The following IL1RAPL2 variants were observed in gnomAD, a reference collection of about 807,000 sequenced individuals.
IL1RAPL2 encodes the protein interleukin 1 receptor accessory protein like 2, also known as X-linked interleukin-1 receptor accessory protein-like 2.
A neutral mutation model predicts 44.1 loss-of-function variants in IL1RAPL2; 3 were observed. That is an observed-to-expected ratio of 0.07 (90% CI 0.03 to 0.18). The LOEUF is 0.18. IL1RAPL2 is among the 10% of genes least tolerant of loss of function. IL1RAPL2 has a pLI of 1.00. For missense variants in IL1RAPL2, 391 were observed against 496.4 expected (o/e 0.79, Z 2.02); for synonymous variants, 181 against 178.8 (o/e 1.01, Z -0.10).
intron 2 of IL1RAPL2, among the ~76,000 whole-genome samples, chrX:104,836,169 AAC>A (rs1921736493): frequency 9.0e-6 from 1 of 111,543 alleles, no homozygotes; most frequent in African/African-American, 3.3e-5. Flanking sequence ...CAGAAAGACA[AAC>A]ACAGCATGTT....
intron 2 of IL1RAPL2, among the ~76,000 whole-genome samples, chrX:104,944,131 TAACA>T (rs1469734650): frequency 9.0e-6 from 1 of 111,453 alleles, no homozygotes; most frequent in African/African-American, 3.3e-5. Flanking sequence ...AGCTGTTCTT[TAACA>T]ATATGCCCGC....
At chrX:105,717,191 T>C (rs1277789004) in intron 6 of IL1RAPL2, among the ~76,000 whole-genome samples, 176 bp from the exon 7 acceptor site, 2 of 112,253 alleles carry the variant, frequency 1.8e-5, no homozygotes, top group African/African-American at 6.5e-5. Flanking sequence ...TTAAGTTTTT[T>C]TCTAGAAGCC....
rs533117277 is a variant in IL1RAPL2, at chrX:104,933,652, T to C, written c.83-261823T>C. Among the ~76,000 whole-genome samples the C allele has an allele frequency of 1.3e-4, 14 of 111,732 alleles. 1 individual carries two copies. The South Asian group carries it at 5.3e-3, about 42-fold the overall frequency. On this transcript the variant is annotated intron_variant, in intron 2 of 10. Coordinates refer to ENST00000372582, the MANE Select transcript of IL1RAPL2 (RefSeq NM_017416.2). Reference sequence around the variant, plus strand: ...GTATTCTAGTTTTTCATGTATTCCATCAGTTCTGATTATCAATAAATCAGT... The same window carrying C: ...GTATTCTAGTTTTTCATGTATTCCACCAGTTCTGATTATCAATAAATCAGT...
At chrX:104,795,089 T>C (rs1932842959) in intron 2 of IL1RAPL2, among the ~76,000 whole-genome samples, 1 of 111,293 alleles carries the variant, frequency 9.0e-6, no homozygotes, top group Non-Finnish European at 1.9e-5. Flanking sequence ...TATAAAGTGG[T>C]TTACAGAAGA....
intron 6 of IL1RAPL2, among the ~76,000 whole-genome samples, chrX:105,670,635 G>T (rs1343706199): frequency 1.8e-5 from 2 of 109,004 alleles, no homozygotes; most frequent in African/African-American, 3.3e-5. Context: ...AATCTAACTG[G>T]AATGTTGATA....
chrX:104,665,723 T>C (rs770817293), intron 2 of IL1RAPL2, among the ~76,000 whole-genome samples: 1 of 111,602 alleles, frequency 9.0e-6, no homozygotes, highest in South Asian at 3.7e-4. Flanking sequence ...ACTATATAAC[T>C]AAATCATATT....
chrX:105,472,792 A>G (rs1054351978), intron 5 of IL1RAPL2, among the ~76,000 whole-genome samples: 8 of 112,161 alleles, frequency 7.1e-5, no homozygotes, highest in African/African-American at 2.6e-4. Flanking sequence ...CAAGATTTCT[A>G]AGAGCCAGGT....
intron 10 of IL1RAPL2, among the ~76,000 whole-genome samples, chrX:105,762,818 C>T (rs1321733044): frequency 9.0e-6 from 1 of 110,819 alleles, no homozygotes; most frequent in East Asian, 2.8e-4. Flanking sequence ...CTAAATTTGC[C>T]GGAACAAGTC....
chrX:105,471,440 C>A (rs1299054492), intron 5 of IL1RAPL2, among the ~76,000 whole-genome samples: 1 of 111,819 alleles, frequency 8.9e-6, no homozygotes, highest in Non-Finnish European at 1.9e-5. Flanking sequence ...CAACCATTTG[C>A]TCTGAATTAG....
At chrX:105,185,535 G>A (rs2033576466) in intron 2 of IL1RAPL2, among the ~76,000 whole-genome samples, 1 of 111,546 alleles carries the variant, frequency 9.0e-6, no homozygotes, top group African/African-American at 3.3e-5. Context: ...GTCTGGTTTA[G>A]CACCTTCATT....
chrX:104,905,801 C>T (rs1923976574), intron 2 of IL1RAPL2, among the ~76,000 whole-genome samples: 1 of 110,927 alleles, frequency 9.0e-6, no homozygotes, highest in Non-Finnish European at 1.9e-5. Flanking sequence ...TTTTTTGGTT[C>T]CCTATGAACT....
chrX:105,120,864 G>T (rs970581405), intron 2 of IL1RAPL2, among the ~76,000 whole-genome samples: 8 of 111,693 alleles, frequency 7.2e-5, no homozygotes, highest in African/African-American at 2.6e-4. Context: ...ACTTGGAATG[G>T]GTTGTAAGGT....
intron 4 of IL1RAPL2, among the ~76,000 whole-genome samples, chrX:105,238,713 G>T (rs2034143070): frequency 9.0e-6 from 1 of 111,001 alleles, no homozygotes; most frequent in African/African-American, 3.3e-5. Flanking sequence ...CCAAAACAAT[G>T]GCCTCCCATA....
chrX:105,728,659 A>G (rs1417199445), intron 7 of IL1RAPL2, among the ~76,000 whole-genome samples: 1 of 111,204 alleles, frequency 9.0e-6, no homozygotes, highest in Non-Finnish European at 1.9e-5. Context: ...CCAGTTTCCC[A>G]TTTTGTTAAT....
At position 105,078,316 on chromosome X, in the gene IL1RAPL2, T is replaced by G. The variant is rs367836117; in HGVS notation, c.83-117159T>G. Among the ~76,000 whole-genome samples, 9 of 111,977 alleles carry G rather than the reference T, an allele frequency of 8.0e-5. No homozygotes were observed. In the East Asian group the frequency reaches 2.0e-3, roughly 25 times the overall value. ...AGGTCCACTCCAGACCCTGTTTGCC[T>G]GGGTATCAGCAGTGGTGGCTGCAGA... On this transcript the variant is annotated intron_variant, in intron 2 of 10. Transcript: ENST00000372582.
intron 1 of IL1RAPL2, among the ~76,000 whole-genome samples, chrX:104,650,285 A>G (rs1193941711): frequency 8.9e-6 from 1 of 112,125 alleles, no homozygotes; most frequent in Non-Finnish European, 1.9e-5. Context: ...GGTATTATAC[A>G]TGCTCCTGTA....
Position 105,230,636 on chromosome X carries a change from T to C in IL1RAPL2, c.357-3182T>C, listed in dbSNP as rs193224686. On this transcript the variant is annotated intron_variant, in intron 3 of 10. Coordinates refer to ENST00000372582, the MANE Select transcript of IL1RAPL2 (RefSeq NM_017416.2). ...CCTGTATTAGGTATTTTACATACAT[T>C]ATTTTATTTAATACTTACAGTGATC... Among the ~76,000 whole-genome samples, 55 of 110,539 alleles carry C rather than the reference T, an allele frequency of 5.0e-4. No homozygotes were observed. The Admixed American group carries it at 5.0e-3, about 10-fold the overall frequency.
At chrX:104,933,280 GA>G (rs1441301256) in intron 2 of IL1RAPL2, among the ~76,000 whole-genome samples, 2 of 110,617 alleles carry the variant, frequency 1.8e-5, no homozygotes, top group Non-Finnish European at 3.8e-5. Context: ...AGAAAAAGAA[GA>G]AAAAAAGGAA....
At chrX:104,977,408 C>T (rs936438797) in intron 2 of IL1RAPL2, among the ~76,000 whole-genome samples, 1 of 112,092 alleles carries the variant, frequency 8.9e-6, no homozygotes, top group African/African-American at 3.2e-5. Context: ...GTGTTAGCAG[C>T]TCTTTATTGT....
Sources: allele counts gnomAD v4.1 joint callset (sites outside exome capture counted in the v4.1 genomes callset), GRCh38; gene constraint gnomAD v4.1.1; transcripts MANE v1.5; gene names NCBI Gene and HGNC (gene_info 2026-07-23, HGNC 2026-07-21).